Variants in NOVA2 observed in about 807,000 individuals in gnomAD.
NOVA2 encodes RNA-binding protein Nova-2.
In NOVA2, 9 loss-of-function variants were observed where a neutral mutation model predicts 22.5. The ratio of observed to expected loss-of-function variants is 0.40; its 90% CI spans 0.24 to 0.70. The LOEUF (loss-of-function observed/expected upper bound fraction) is 0.70. Among genes scored for constraint, NOVA2 ranks in the 30% least tolerant of loss-of-function variants. The pLI is 0.38. For missense variants in NOVA2, 383 were observed against 682.8 expected (o/e 0.56, Z 4.89); for synonymous variants, 318 against 335.2 (o/e 0.95, Z 0.56).
At chr19:45,943,982 A>G (rs781566775) in intron 3 of NOVA2, among the ~76,000 whole-genome samples, 19 of 152,210 alleles carry the variant, frequency 1.2e-4, no homozygotes, top group African/African-American at 4.3e-4. Context: ...ATCATTTTAG[A>G]AAACCTGGCG....
intron 1 of NOVA2, among the ~76,000 whole-genome samples, chr19:45,972,990 G>C (rs1968252648): frequency 6.6e-6 from 1 of 151,616 alleles, no homozygotes; most frequent in South Asian, 2.1e-4. Context: ...CCTGCCCTGA[G>C]GCTCCCACGC....
At chr19:45,960,669 C>A (rs1012254750) in intron 2 of NOVA2, among the ~76,000 whole-genome samples, 3 of 152,080 alleles carry the variant, frequency 2.0e-5, no homozygotes, top group African/African-American at 7.2e-5. Context: ...GGCCCCCAAG[C>A]CCGGAGGGAC....
Position 45,937,525 on chromosome 19 carries a change from G to A in NOVA2, c.*2338C>T, listed in dbSNP as rs1286923256. 6.6e-6 allele frequency: 1 copy of A among 152,224 alleles called. No homozygotes were observed. Among genetic ancestry groups the A allele is most frequent in the Non-Finnish European group, 1.5e-5 (1 of 68,062 alleles). The allele number at this position is 152,224 out of a possible 1,614,324, so 9.4% of individuals were successfully genotyped here. A position where few individuals can be genotyped will look rare whatever the true frequency, so the allele number is the denominator to read the frequency against. On this transcript the variant is annotated 3_prime_UTR_variant, in exon 4 of 4. Transcript: ENST00000263257. ...CTTTTGAGAGGTGGAGGGGAGCAAT[G>A]GCCCACAGAGCCGCCCCCACCTCTA...
intron 1 of NOVA2, among the ~76,000 whole-genome samples, chr19:45,969,509 GAAAA>G (rs397946088): frequency 6.9e-4 from 28 of 40,552 alleles, no homozygotes; most frequent in African/African-American, 2.9e-3. Flanking sequence ...CCCTGTCTCA[GAAAA>G]AAAAAAAAAA....
At chr19:45,955,359 C>T (rs1330058039) in intron 2 of NOVA2, among the ~76,000 whole-genome samples, 1 of 152,102 alleles carries the variant, frequency 6.6e-6, no homozygotes, top group African/African-American at 2.4e-5. Context: ...GACAGGTAGA[C>T]TCAGGTGTCA....
Position 45,940,462 on chromosome 19 carries a change from T to C in NOVA2, c.880A>G (p.Asn294Asp). ...GAGTTGAGGCCCAGGCCCAGGGAGT[T>C]GGTGTTGTAGCCGTAACTTGCCAGC... ...NTLASYGYNT[N>D]SLGLGLNSAA... is the part of the protein sequence containing the mutation. The change falls in exon 4 of 4, where the codon AAC becomes GAC. Residue 294 changes from asparagine to aspartate, a missense_variant. This residue lies in a region of NOVA2 where 349 missense variants were observed against 578.1 expected (regional missense o/e 0.60). Transcript: ENST00000263257. 1 of 1,533,486 alleles carries C rather than the reference T, an allele frequency of 6.5e-7. No homozygotes were observed. Among genetic ancestry groups the C allele is most frequent in the South Asian group, 1.2e-5 (1 of 84,336 alleles). The allele number at this position is 1,533,486 out of a possible 1,614,324, so 95.0% of individuals were successfully genotyped here.
chr19:45,952,496 C>T (rs925028527), intron 3 of NOVA2, among the ~76,000 whole-genome samples: 2 of 152,208 alleles, frequency 1.3e-5, no homozygotes, highest in African/African-American at 2.4e-5. Flanking sequence ...CCTTTCGACT[C>T]CACTGTCTCA....
intron 2 of NOVA2, among the ~76,000 whole-genome samples, chr19:45,955,891 G>T (rs1173746153): frequency 1.3e-5 from 2 of 151,980 alleles, no homozygotes; most frequent in African/African-American, 4.8e-5. Flanking sequence ...AAAACAAAAA[G>T]TGTCTTGAGT....
At chr19:45,947,571 T>G (rs1178338207) in intron 3 of NOVA2, among the ~76,000 whole-genome samples, 1 of 152,012 alleles carries the variant, frequency 6.6e-6, no homozygotes. Context: ...TCTTCCAGTT[T>G]CAAGCGATTC....
Position 45,961,162 on chromosome 19 carries a change from G to A in NOVA2, c.86-9C>T. The stretch of plus-strand genomic sequence containing the variant: ...GAAGTATTCGCCTTCCTCTGCGGGG[G>A]CACACAGGGTGGAGGGGAGTCAGCG... On this transcript the variant is annotated splice_polypyrimidine_tract_variant and intron_variant, in intron 1 of 3. Transcript: ENST00000263257. 6 of 1,596,288 alleles carry A rather than the reference G, an allele frequency of 3.8e-6. No individual in the cohort carries two copies. The highest frequency in any genetic ancestry group is 1.7e-4 in the Middle Eastern group (1 of 6,042).
chr19:45,971,900 T>C (rs1482438112), intron 1 of NOVA2, among the ~76,000 whole-genome samples: 1 of 151,876 alleles, frequency 6.6e-6, no homozygotes, highest in East Asian at 1.9e-4. Context: ...CAGCTCGGCT[T>C]TTCTTCTCTG....
intron 3 of NOVA2, among the ~76,000 whole-genome samples, chr19:45,944,753 A>T (rs1967812354): frequency 6.6e-6 from 1 of 152,218 alleles, no homozygotes; most frequent in Admixed American, 6.5e-5. Context: ...AGAGCCAAAA[A>T]GGTAGATTAG....
intron 3 of NOVA2, 69 bp from the exon 4 acceptor site, chr19:45,941,014 G>A: frequency 7.0e-7 from 1 of 1,423,192 alleles, no homozygotes. Flanking sequence ...ATTAGGCTGG[G>A]CACGGTGGCT....
At position 45,935,932 on chromosome 19, in the gene NOVA2, A is replaced by C. The variant is rs553588407; in HGVS notation, c.*3931T>G. ...TATAGGTCGGCTTTTATCAACATCC[A>C]CTTGGGATACCCATAATTCCCAACT... On this transcript the variant is annotated 3_prime_UTR_variant, in exon 4 of 4. Coordinates refer to ENST00000263257, the MANE Select transcript of NOVA2 (RefSeq NM_002516.4). 6.6e-6 allele frequency: 1 copy of C among 152,260 alleles called. No individual in the cohort carries two copies. Among genetic ancestry groups the C allele is most frequent in the South Asian group, 2.1e-4 (1 of 4,820 alleles). The allele number at this position is 152,260 out of a possible 1,614,324, so 9.4% of individuals were successfully genotyped here.
At position 45,943,810 on chromosome 19, in the gene NOVA2, T is replaced by TA. The variant is rs1230450213; in HGVS notation, c.397-2866dup. ...AAATAAGTAAATAAAAATAACAAAATAAAAAAAATCTCTGAGCTCAGAGCC... is the reference window on the plus strand; with the variant it reads ...AAATAAGTAAATAAAAATAACAAAATAAAAAAAAATCTCTGAGCTCAGAGCC... On this transcript the variant is annotated intron_variant, in intron 3 of 3. Coordinates refer to ENST00000263257, the MANE Select transcript of NOVA2 (RefSeq NM_002516.4). Among the ~76,000 whole-genome samples, 6 of 149,472 alleles carry TA rather than the reference T, an allele frequency of 4.0e-5. No individual in the cohort carries two copies. The South Asian group carries it at 6.3e-4, about 16-fold the overall frequency.
chr19:45,941,341 T>C (rs1024510907), intron 3 of NOVA2, among the ~76,000 whole-genome samples: 3 of 151,234 alleles, frequency 2.0e-5, no homozygotes, highest in Non-Finnish European at 2.9e-5. Flanking sequence ...ATTTTGTCTA[T>C]CTATATTAGT....
intron 2 of NOVA2, among the ~76,000 whole-genome samples, chr19:45,957,737 G>T (rs1968025856): frequency 6.6e-6 from 1 of 151,662 alleles, no homozygotes; most frequent in Non-Finnish European, 1.5e-5. Flanking sequence ...TAAAAAGTGT[G>T]TGTGTGTCTG....
rs561127056 is a variant in NOVA2, at chr19:45,938,721, C to G, written c.*1142G>C. ...AGTCCTCCAGATTGGATCCAAGTCC[C>G]GTGCCTTATTCTCTTCCTAGGAAGA... On this transcript the variant is annotated 3_prime_UTR_variant, in exon 4 of 4. Coordinates refer to ENST00000263257, the MANE Select transcript of NOVA2 (RefSeq NM_002516.4). The G allele has an allele frequency of 6.6e-6, 1 of 152,200 alleles. No individual in the cohort carries two copies. The highest frequency in any genetic ancestry group is 2.4e-5 in the African/African-American group (1 of 41,446). 9.4% of individuals were successfully genotyped at this position (152,200 alleles called of 1,614,324 possible).
intron 1 of NOVA2, among the ~76,000 whole-genome samples, chr19:45,969,509 GAA>G (rs397946088): frequency 0.049 from 1,994 of 40,318 alleles, 4 homozygotes; most frequent in Middle Eastern, 0.077. Context: ...CCCTGTCTCA[GAA>G]AAAAAAAAAA....
Sources: gnomAD v4.1 joint callset for allele counts (sites outside exome capture counted in the v4.1 genomes callset) on GRCh38, gnomAD v4.1.1 for gene constraint, gnomAD v4.1.1 regional missense constraint, MANE v1.5 for transcripts, NCBI Gene and HGNC (gene_info 2026-07-23, HGNC 2026-07-21) for gene names.